Variants in AIG1 observed in about 807,000 individuals in gnomAD.
AIG1 encodes the protein androgen induced 1.
A neutral mutation model predicts 31.4 loss-of-function variants in AIG1; 23 were observed. The ratio of observed to expected loss-of-function variants is 0.73; its 90% CI spans 0.53 to 1.04. The LOEUF (loss-of-function observed/expected upper bound fraction) is 1.04, where lower values mean the gene tolerates loss of function less well. Among genes scored for constraint, AIG1 ranks in the 50% least tolerant of loss-of-function variants. AIG1 has a pLI of 0.00. For synonymous variants in AIG1, 100 were observed against 110.5 expected (o/e 0.90, Z 0.60); for missense variants, 274 against 295.0 (o/e 0.93, Z 0.52).
intron 3 of AIG1, among the ~76,000 whole-genome samples, chr6:143,194,903 C>G (rs1433150380): frequency 6.6e-6 from 1 of 152,196 alleles, no homozygotes; most frequent in Admixed American, 6.5e-5. Flanking sequence ...GAGGGAGAAG[C>G]CCCATTGTGA....
chr6:143,110,776 A>C (rs1379130574), intron 1 of AIG1, among the ~76,000 whole-genome samples: 1 of 152,220 alleles, frequency 6.6e-6, no homozygotes, highest in East Asian at 1.9e-4. Flanking sequence ...TAAAGGCAGC[A>C]GATGTGTGTG....
In AIG1 at chr6:143,268,305, C is replaced by G. The variant is rs554583192; in HGVS notation, c.400-15805C>G. Among the ~76,000 whole-genome samples, 1 of 152,264 alleles carries G rather than the reference C, an allele frequency of 6.6e-6. No homozygotes were observed. The highest frequency in any genetic ancestry group is 6.5e-5 in the Admixed American group (1 of 15,298). ...GCTCTGCCTCATGAGGGAATTAGCA[C>G]TTGGTATTGTCTGTACGACTGGCAT... On this transcript the variant is annotated intron_variant, in intron 3 of 5. Coordinates refer to ENST00000357847, the MANE Select transcript of AIG1 (RefSeq NM_016108.4). The surrounding 1 kb of genome is among the most constrained non-coding windows in gnomAD (Gnocchi z 5.0).
intron 5 of AIG1, among the ~76,000 whole-genome samples, chr6:143,337,495 G>C (rs548605770): frequency 6.7e-6 from 1 of 149,818 alleles, no homozygotes; most frequent in Non-Finnish European, 1.5e-5. Flanking sequence ...GGTGGAGCGC[G>C]GGGGGGGACA....
intron 2 of AIG1, among the ~76,000 whole-genome samples, chr6:143,163,886 T>C (rs11155281): frequency 0.66 from 100,784 of 151,868 alleles, 34,879 homozygotes; most frequent in East Asian, 0.98. Flanking sequence ...TAAGATCATA[T>C]ACACCCTCCT....
At chr6:143,205,523 G>A (rs1028568062) in intron 3 of AIG1, among the ~76,000 whole-genome samples, 2 of 152,050 alleles carry the variant, frequency 1.3e-5, no homozygotes, top group African/African-American at 4.8e-5. Context: ...TATATATTCT[G>A]GTGATAAATG....
Position 143,284,865 on chromosome 6 carries a change from A to C in AIG1, c.515+640A>C, listed in dbSNP as rs1334435064. Among the ~76,000 whole-genome samples the C allele has an allele frequency of 6.6e-6, 1 of 152,194 alleles. No homozygotes were observed. The highest frequency in any genetic ancestry group is 1.5e-5 in the Non-Finnish European group (1 of 68,024). ...GGCGAGTCTACTTCACATTAATTTC[A>C]GTTCTTATCAGGTTTTTAACACTTC... is the stretch of plus-strand genomic sequence containing the variant. On this transcript the variant is annotated intron_variant, in intron 4 of 5. Coordinates refer to ENST00000357847, the MANE Select transcript of AIG1 (RefSeq NM_016108.4). This position sits in a 1 kb window ranked among gnomAD's most constrained non-coding sequence, Gnocchi z 4.4.
intron 1 of AIG1, among the ~76,000 whole-genome samples, chr6:143,124,991 G>A (rs959588576): frequency 2.6e-5 from 4 of 152,144 alleles, no homozygotes; most frequent in Non-Finnish European, 4.4e-5. Context: ...TGGGGAGGAC[G>A]TCCTTTTCCA....
At chr6:143,196,395 A>ACACACC (rs1554256854) in intron 3 of AIG1, among the ~76,000 whole-genome samples, 77 of 136,850 alleles carry the variant, frequency 5.6e-4, no homozygotes, top group African/African-American at 1.3e-3. Context: ...ACACACACAC[A>ACACACC]CCCCAATTTG....
At chr6:143,201,167 C>T (rs948079128) in intron 3 of AIG1, among the ~76,000 whole-genome samples, 2 of 152,012 alleles carry the variant, frequency 1.3e-5, no homozygotes, top group Non-Finnish European at 2.9e-5. Context: ...CCAGACTGTT[C>T]CCAAAGTGGC....
chr6:143,137,729 C>A (rs1363087567), intron 2 of AIG1, among the ~76,000 whole-genome samples: 2 of 152,142 alleles, frequency 1.3e-5, no homozygotes, highest in African/African-American at 2.4e-5. Flanking sequence ...TGCACATAAA[C>A]CATGTTTTTT....
chr6:143,219,529 T>G (rs1329595652), intron 3 of AIG1, among the ~76,000 whole-genome samples: 2 of 152,202 alleles, frequency 1.3e-5, no homozygotes, highest in Admixed American at 1.3e-4. Flanking sequence ...TTTCAAGCCT[T>G]GGAGTTGTTT....
intron 3 of AIG1, among the ~76,000 whole-genome samples, chr6:143,225,721 A>G (rs887883645): frequency 6.6e-6 from 1 of 152,258 alleles, no homozygotes; most frequent in Non-Finnish European, 1.5e-5. Context: ...AGTAAAAGTC[A>G]GAACCTGCTT....
intron 1 of AIG1, among the ~76,000 whole-genome samples, chr6:143,086,753 G>C (rs977313744): frequency 6.6e-6 from 1 of 152,172 alleles, no homozygotes; most frequent in Non-Finnish European, 1.5e-5. Context: ...AGATTCAAAG[G>C]TAAGGAGAAT....
At chr6:143,078,945 C>G (rs973729149) in intron 1 of AIG1, among the ~76,000 whole-genome samples, 1 of 152,112 alleles carries the variant, frequency 6.6e-6, no homozygotes, top group African/African-American at 2.4e-5. Flanking sequence ...TTTGTGATTT[C>G]TTTTATACTC....
At chr6:143,086,278 A>G (rs929334858) in intron 1 of AIG1, among the ~76,000 whole-genome samples, 2 of 152,200 alleles carry the variant, frequency 1.3e-5, no homozygotes, top group African/African-American at 4.8e-5. Context: ...ACCTTCAATT[A>G]TCAATTATAG....
chr6:143,247,731 G>T (rs576821653), intron 3 of AIG1, among the ~76,000 whole-genome samples: 1 of 152,308 alleles, frequency 6.6e-6, no homozygotes, highest in African/African-American at 2.4e-5. Flanking sequence ...ACTCCTTGCT[G>T]GTACGTGAGA....
At chr6:143,061,815 T>C (rs1776286087) in intron 1 of AIG1, among the ~76,000 whole-genome samples, 2 of 152,218 alleles carry the variant, frequency 1.3e-5, no homozygotes, top group Non-Finnish European at 2.9e-5. Flanking sequence ...TTTGAAAGTT[T>C]TTCTATTTCT....
chr6:143,306,448 T>C (rs1799317675), intron 4 of AIG1, among the ~76,000 whole-genome samples: 1 of 152,072 alleles, frequency 6.6e-6, no homozygotes, highest in Non-Finnish European at 1.5e-5. Flanking sequence ...CAGCATTTGC[T>C]TGTCTGTAAA....
downstream of AIG1, among the ~76,000 whole-genome samples, chr6:143,341,438 T>G (rs966254349): frequency 6.6e-6 from 1 of 152,194 alleles, no homozygotes; most frequent in Admixed American, 6.5e-5. Flanking sequence ...AATATGACTG[T>G]TTTTGGAGAC....
Sources: allele counts gnomAD v4.1 joint callset (sites outside exome capture counted in the v4.1 genomes callset), GRCh38; gene constraint gnomAD v4.1.1; non-coding constraint Gnocchi (gnomAD v3.1); transcripts MANE v1.5; gene names NCBI Gene and HGNC (gene_info 2026-07-23, HGNC 2026-07-21).